PIDD1: variants seen among roughly 807,000 people sequenced by gnomAD.
The protein encoded by PIDD1 is p53-induced death domain protein 1, also known as p53-induced death domain-containing protein 1.
In PIDD1, 72 loss-of-function variants were observed where a neutral mutation model predicts 80.0. That is an observed-to-expected ratio of 0.90 (90% CI 0.74 to 1.09). PIDD1 has a LOEUF of 1.09. Among genes scored for constraint, PIDD1 ranks in the 50% least tolerant of loss-of-function variants. The probability of loss-of-function intolerance (pLI) is 0.00; values close to 1 mark genes in which losing one functional copy is unlikely to be tolerated. For synonymous variants in PIDD1, 655 were observed against 543.5 expected, an observed-to-expected ratio of 1.21 and a Z score of -2.85; for missense variants, 1,329 against 1,228.3, an observed-to-expected ratio of 1.08 and a Z score of -1.23.
Position 802,076 on chromosome 11 carries a change from C to A in PIDD1, c.1191G>T (p.Trp397Cys). ...GVAFQQDVGL[W>C]LLFTPPQARR... The stretch of plus-strand genomic sequence containing the variant: ...GGGCCTGCGGTGGGGTGAAGAGCAG[C>A]CACAGCCCCACATCCTGCCAGACAA... Residue 397 changes from tryptophan (W) to cysteine (C), a missense_variant, in exon 7 of 16, where the codon TGG (tryptophan) becomes TGT (cysteine). Transcript: ENST00000347755. The A allele has an allele frequency of 3.8e-6, 6 of 1,578,738 alleles. No homozygotes were observed. The Middle Eastern group carries it at 5.0e-4, about 131-fold the overall frequency.
At chr11:802,639 T>C in intron 4 of PIDD1, 42 bp from the exon 5 acceptor site, 1 of 1,605,278 alleles carries the variant, frequency 6.2e-7, no homozygotes, top group Non-Finnish European at 8.5e-7. Flanking sequence ...GTGAGGAGAC[T>C]CATGTCCTAT....
rs1181622355 is a variant in PIDD1, at chr11:799,310, G to A, written c.2730C>T (p.Ala910=). The change falls in exon 16 of 16, where the codon GCC becomes GCT. Residue 910 remains alanine, a synonymous_variant. Transcript: ENST00000347755. Reference sequence around the variant, plus strand: ...CCAGCCTAAAAGTCTGTGGGGCCTAGGCCTGGGCAGGCTCTGGGGGCTGTG... The same window carrying A: ...CCAGCCTAAAAGTCTGTGGGGCCTAAGCCTGGGCAGGCTCTGGGGGCTGTG... ...SAPQPPEPAQ[A] 3 of 1,596,214 alleles carry A rather than the reference G, an allele frequency of 1.9e-6. No homozygotes were observed. The highest frequency in any genetic ancestry group is 2.7e-5 in the African/African-American group (2 of 74,888).
At chr11:801,753 G>A (rs751450330) in intron 7 of PIDD1, 129 bp from the exon 8 acceptor site, 7 of 903,794 alleles carry the variant, frequency 7.7e-6, no homozygotes, top group Non-Finnish European at 1.2e-5. Flanking sequence ...GCAGGATCCA[G>A]GAGGGACGGG....
chr11:799,511 C>T lies in PIDD1; in HGVS notation c.2529G>A (p.Gln843=). 1 of 1,606,470 alleles carries T rather than the reference C, an allele frequency of 6.2e-7. No individual in the cohort carries two copies. Among genetic ancestry groups the T allele is most frequent in the Non-Finnish European group, 8.5e-7 (1 of 1,179,784 alleles). ...GCCCCACAGCCCCTGGCTGCCCAGC[C>T]TGGCGCTCAGCCCAGGAGAAGAGCA... ...RHMLFSWAER[Q]AGQPGAVGLL... The change falls in exon 16 of 16, where the codon CAG becomes CAA. Residue 843 remains glutamine, a synonymous_variant. Transcript: ENST00000347755.
chr11:802,610 C>G lies in PIDD1; in HGVS notation c.920-13G>C. 2 of 1,612,284 alleles carry G rather than the reference C, an allele frequency of 1.2e-6. No individual in the cohort carries two copies. The highest frequency in any genetic ancestry group is 1.7e-6 in the Non-Finnish European group (2 of 1,179,244). ...ATGAGGGCTGCCACTGTGCAGGGGACAGACATGTGCTCAGGACAGTGAGGA... is the reference window on the plus strand; with the variant it reads ...ATGAGGGCTGCCACTGTGCAGGGGAGAGACATGTGCTCAGGACAGTGAGGA... On this transcript the variant is annotated splice_polypyrimidine_tract_variant and intron_variant, in intron 4 of 15. Transcript: ENST00000347755.
upstream of PIDD1, among the ~76,000 whole-genome samples, chr11:808,244 T>G (rs1159057035): frequency 6.7e-6 from 1 of 149,782 alleles, no homozygotes; most frequent in African/African-American, 2.5e-5. Context: ...CTGGCCAACA[T>G]GGTGAAACCC....
At chr11:805,105 T>C in intron 1 of PIDD1, 74 bp downstream of exon 1, 1 of 628,566 alleles carries the variant, frequency 1.6e-6, no homozygotes, top group Non-Finnish European at 2.0e-6. Flanking sequence ...GCGTCGGGGA[T>C]GGGAACGGCC....
Position 800,915 on chromosome 11 carries a change from G to A in PIDD1, c.1767-3C>T, listed in dbSNP as rs1479205002. ...TGGTGGTGTACCAGAGCCAGTACCT[G>A]GGAGAGCTGGGGGTGAGGAGGGCTG... On this transcript the variant is annotated splice_polypyrimidine_tract_variant and splice_region_variant and intron_variant, in intron 10 of 15. Transcript: ENST00000347755. The A allele has an allele frequency of 6.3e-7, 1 of 1,593,026 alleles. No homozygotes were observed. The highest frequency in any genetic ancestry group is 1.8e-5 in the Admixed American group (1 of 56,630).
chr11:806,164 G>A (rs1162676414), upstream of PIDD1: 1 of 151,188 alleles, frequency 6.6e-6, no homozygotes, highest in Non-Finnish European at 1.5e-5. Context: ...TCAAAGCCAA[G>A]AACCTGAAAT....
upstream of PIDD1, among the ~76,000 whole-genome samples, chr11:807,189 C>CA (rs1338815823): frequency 0.18 from 16,657 of 93,918 alleles, 1,240 homozygotes; most frequent in African/African-American, 0.2. Context: ...GACTCCCTCT[C>CA]AAAAAAAAAA....
chr11:803,441 G>C lies in PIDD1; in HGVS notation c.442C>G (p.Arg148Gly), dbSNP rs142408616. 108 of 1,613,906 alleles carry C rather than the reference G, an allele frequency of 6.7e-5. No homozygotes were observed. Among genetic ancestry groups the C allele is most frequent in the Non-Finnish European group, 8.2e-5 (97 of 1,180,008 alleles). ...ETLPACVLQMRGLGALLLSHN... is the reference protein window; with the variant it reads ...ETLPACVLQMGGLGALLLSHN... ...GACAGCAAGAGCGCACCCAGACCTC[G>C]CATCTGCAGGACACAGGCCGGCAGT... is the stretch of plus-strand genomic sequence containing the variant. The change falls in exon 3 of 16, where the codon CGA becomes GGA. Residue 148 changes from arginine to glycine, a missense_variant. Coordinates refer to ENST00000347755, the MANE Select transcript of PIDD1 (RefSeq NM_145886.4).
At chr11:803,706 C>G in intron 2 of PIDD1, 119 bp from the exon 3 acceptor site, 1 of 1,180,802 alleles carries the variant, frequency 8.5e-7, no homozygotes, top group Non-Finnish European at 1.2e-6. Flanking sequence ...ACCCCCACCC[C>G]AGCCAGACAG....
chr11:799,682 CT>C, intron 15 of PIDD1, 117 bp from the exon 16 acceptor site: 1 of 1,396,426 alleles, frequency 7.2e-7, no homozygotes, highest in Non-Finnish European at 9.5e-7. Context: ...GCGGCCAGAC[CT>C]TTCCTTTCCA....
In PIDD1 at chr11:800,246, T is replaced by TA; in HGVS notation, c.2161-3_2161-2insT. On this transcript the variant is annotated splice_region_variant and splice_polypyrimidine_tract_variant and intron_variant, in intron 13 of 15. Transcript: ENST00000347755. ...CACCGCGCCACGGTAGAAGGACACC[T>TA]GAAGGGGCATCGAATGGGGTTCGGA... is the stretch of plus-strand genomic sequence containing the variant. 6.2e-7 allele frequency: 1 copy of TA among 1,611,064 alleles called. No individual in the cohort carries two copies. The highest frequency in any genetic ancestry group is 8.5e-7 in the Non-Finnish European group (1 of 1,179,228).
Position 800,621 on chromosome 11 carries a change from C to T in PIDD1, c.1963G>A (p.Glu655Lys), listed in dbSNP as rs371542131. ...RRLLERYRGP[E>K]PSDTVEMFEG... ...AACATCTCCACCGTGTCAGAGGGCT[C>T]GGGGCCCCGGTACCGCTCCAGCAGC... The change falls in exon 12 of 16, where the codon GAG (glutamate) becomes AAG (lysine). Residue 655 changes from glutamate to lysine, a missense_variant. Glu to Lys is a moderately conservative substitution (Grantham distance 56). Coordinates refer to ENST00000347755, the MANE Select transcript of PIDD1 (RefSeq NM_145886.4). 10 of 1,599,702 alleles carry T rather than the reference C, an allele frequency of 6.3e-6. No homozygotes were observed. Among genetic ancestry groups the T allele is most frequent in the African/African-American group, 1.3e-5 (1 of 74,562 alleles).
chr11:804,845 C>T (rs1411597278), intron 1 of PIDD1: 2 of 157,708 alleles, frequency 1.3e-5, no homozygotes, highest in Admixed American at 6.5e-5. Flanking sequence ...CCAGGAAGGC[C>T]GTGACCCTCC....
Position 799,797 on chromosome 11 carries a change from G to T in PIDD1, c.2474+18C>A. 6.5e-7 allele frequency: 1 copy of T among 1,531,380 alleles called. No homozygotes were observed. Among genetic ancestry groups the T allele is most frequent in the Non-Finnish European group, 8.8e-7 (1 of 1,138,784 alleles). The allele number at this position is 1,531,380 out of a possible 1,614,324, so 94.9% of individuals were successfully genotyped here. A position where few individuals can be genotyped will look rare whatever the true frequency, so the allele number is the denominator to read the frequency against. ...CTCAGCCCTGGGGCTGGCAGCCAGC[G>T]GGCAGTGGGAGCCTCACCGGAACTC... On this transcript the variant is annotated intron_variant, in intron 15 of 15. Transcript: ENST00000347755.
At position 803,085 on chromosome 11, in the gene PIDD1, C is replaced by G. The variant is rs1186055061; in HGVS notation, c.709+89G>C. The G allele has an allele frequency of 7.4e-6, 8 of 1,080,540 alleles. No individual in the cohort carries two copies. In the Admixed American group the frequency reaches 1.1e-4, roughly 15 times the overall value. 66.9% of individuals were successfully genotyped at this position (1,080,540 alleles called of 1,614,324 possible). On this transcript the variant is annotated intron_variant, in intron 3 of 15. Transcript: ENST00000347755. ...AACCAAGAGGCAGCTGTGGACCAAG[C>G]CTGTGGGTGCAGAGGCCCCTGCAGA...
Position 802,084 on chromosome 11 carries a change from C to T in PIDD1, c.1183G>A (p.Gly395Arg), listed in dbSNP as rs1211269432. 6.3e-7 allele frequency: 1 copy of T among 1,576,984 alleles called. No individual in the cohort carries two copies. Among genetic ancestry groups the T allele is most frequent in the Admixed American group, 1.9e-5 (1 of 53,716 alleles). ...PHGVAFQQDVGLWLLFTPPQA... is the reference protein window; with the variant it reads ...PHGVAFQQDVRLWLLFTPPQA... ...GGTGGGGTGAAGAGCAGCCACAGCC[C>T]CACATCCTGCCAGACAAGGATGGTG... Residue 395 changes from glycine to arginine, a missense_variant, in exon 7 of 16, where the codon GGG (glycine) becomes AGG (arginine). By Grantham distance (125) the Gly-to-Arg change is moderately radical (BLOSUM62 -2). Transcript: ENST00000347755.
Sources: gnomAD v4.1 joint callset for allele counts (sites outside exome capture counted in the v4.1 genomes callset) on GRCh38, gnomAD v4.1.1 for gene constraint, MANE v1.5 for transcripts, NCBI Gene and HGNC (gene_info 2026-07-23, HGNC 2026-07-21) for gene names.